FUT9: variants seen among roughly 807,000 people sequenced by gnomAD.
The protein encoded by FUT9 is 4-galactosyl-N-acetylglucosaminide 3-alpha-L-fucosyltransferase 9.
FUT9 carries 15 observed loss-of-function variants against 29.7 expected under a neutral mutation model. The ratio of observed to expected loss-of-function variants is 0.51; its 90% confidence interval spans 0.34 to 0.78. The LOEUF is 0.78. FUT9 is among the 30% of genes least tolerant of loss of function. FUT9 has a pLI of 0.01. For synonymous variants in FUT9, 169 were observed against 153.7 expected (o/e 1.10, Z -0.74); for missense variants, 319 against 425.4 (o/e 0.75, Z 2.20).
At chr6:96,127,775 A>G (rs1311629539) in intron 2 of FUT9, among the ~76,000 whole-genome samples, 4 of 151,956 alleles carry the variant, frequency 2.6e-5, no homozygotes, top group Non-Finnish European at 5.9e-5. Flanking sequence ...GCATTTCTCT[A>G]ATGTGATGTT....
intron 1 of FUT9, among the ~76,000 whole-genome samples, chr6:96,069,091 C>T (rs994224230): frequency 2.6e-5 from 4 of 152,050 alleles, no homozygotes; most frequent in Non-Finnish European, 4.4e-5. Flanking sequence ...CCGAGGCTGG[C>T]GGATCACGAG....
chr6:96,128,615 C>G (rs936994257), intron 2 of FUT9, among the ~76,000 whole-genome samples: 3 of 152,066 alleles, frequency 2.0e-5, no homozygotes, highest in Non-Finnish European at 4.4e-5. Flanking sequence ...CCCAGTAATT[C>G]TACCTGTGGT....
intron 2 of FUT9, among the ~76,000 whole-genome samples, chr6:96,191,588 A>G (rs1773509776): frequency 6.6e-6 from 1 of 152,172 alleles, no homozygotes; most frequent in Non-Finnish European, 1.5e-5. Context: ...GGCAATAATT[A>G]ATAGCTTACC....
At chr6:96,040,189 C>T (rs1384312246) in intron 1 of FUT9, among the ~76,000 whole-genome samples, 1 of 152,114 alleles carries the variant, frequency 6.6e-6, no homozygotes, top group East Asian at 1.9e-4. Context: ...ACTGCCTAAC[C>T]AAGTGCCAGT....
rs552512198 is a variant in FUT9 at position 96,043,534 on chromosome 6, A to C, written c.-98+27322A>C. 9.8e-5 allele frequency among the ~76,000 whole-genome samples: 15 copies of C among 152,320 alleles called. No homozygotes were observed. The South Asian group carries it at 3.1e-3, about 32-fold the overall frequency. On this transcript the variant is annotated intron_variant, in intron 1 of 2. Coordinates refer to ENST00000302103, the MANE Select transcript of FUT9 (RefSeq NM_006581.4). ...TATTTTATTTGAACATTTTCTGTCT[A>C]TAAAATCCCCAAATCTGAGAACTGT... is the stretch of plus-strand genomic sequence containing the variant.
intron 1 of FUT9, among the ~76,000 whole-genome samples, chr6:96,065,276 G>A (rs1420133072): frequency 6.6e-6 from 1 of 152,136 alleles, no homozygotes; most frequent in Non-Finnish European, 1.5e-5. Context: ...AAAATTCACT[G>A]TCTAGTTGTT....
At chr6:96,032,151 T>C (rs1012636436) in intron 1 of FUT9, among the ~76,000 whole-genome samples, 1 of 151,654 alleles carries the variant, frequency 6.6e-6, no homozygotes, top group African/African-American at 2.4e-5. Flanking sequence ...TATTACATAA[T>C]ACAGAGTCCT....
intron 1 of FUT9, among the ~76,000 whole-genome samples, chr6:96,049,637 G>A (rs1217470547): frequency 6.6e-6 from 1 of 152,178 alleles, no homozygotes; most frequent in African/African-American, 2.4e-5. Flanking sequence ...AGACTCCCAT[G>A]TTGGCCCCAA....
chr6:96,205,092 T>A lies in FUT9; in HGVS notation c.*857T>A, dbSNP rs1363817518. ...CCTATAAATATATTTATAAATGGTG[T>A]CATTTATGAACAATGTTTAATTATG... On this transcript the variant is annotated 3_prime_UTR_variant, in exon 3 of 3. Coordinates refer to ENST00000302103, the MANE Select transcript of FUT9 (RefSeq NM_006581.4). The A allele has an allele frequency of 6.0e-6, 1 of 166,910 alleles. No individual in the cohort carries two copies. Among genetic ancestry groups the A allele is most frequent in the Non-Finnish European group, 1.5e-5 (1 of 68,064 alleles). 10.3% of individuals were successfully genotyped at this position (166,910 alleles called of 1,614,324 possible). A position where few individuals can be genotyped will look rare whatever the true frequency, so the allele number is the denominator to read the frequency against.
At chr6:96,082,580 C>G (rs190098568) in intron 1 of FUT9, among the ~76,000 whole-genome samples, 1 of 152,010 alleles carries the variant, frequency 6.6e-6, no homozygotes, top group East Asian at 1.9e-4. Context: ...ATTTCTTCAT[C>G]TGATACTTGA....
rs548283455 is a variant in FUT9, at chr6:96,187,164, T to A, written c.-8-15984T>A. On this transcript the variant is annotated intron_variant, in intron 2 of 2. Coordinates refer to ENST00000302103, the MANE Select transcript of FUT9 (RefSeq NM_006581.4). Reference sequence around the variant, plus strand: ...AAAGCAGTTGGTTTCCCATGGATTCTCTATCCTGCCCTGTAAACTGGACTA... The same window carrying A: ...AAAGCAGTTGGTTTCCCATGGATTCACTATCCTGCCCTGTAAACTGGACTA... Among the ~76,000 whole-genome samples, 6 of 152,222 alleles carry A rather than the reference T, an allele frequency of 3.9e-5. No individual in the cohort carries two copies. In the South Asian group the frequency reaches 1.2e-3, roughly 32 times the overall value.
chr6:96,158,230 A>T (rs916129632), intron 2 of FUT9, among the ~76,000 whole-genome samples: 3 of 152,080 alleles, frequency 2.0e-5, no homozygotes, highest in African/African-American at 7.2e-5. Context: ...TATATTTTTA[A>T]AACAAGGTGA....
At chr6:96,195,263 T>C (rs929813262) in intron 2 of FUT9, among the ~76,000 whole-genome samples, 1 of 152,112 alleles carries the variant, frequency 6.6e-6, no homozygotes, top group East Asian at 1.9e-4. Flanking sequence ...GAATCAGGGA[T>C]TTATTATTAC....
chr6:96,204,047 C>T lies in FUT9; in HGVS notation c.892C>T (p.Leu298=). 6.3e-7 allele frequency: 1 copy of T among 1,579,854 alleles called. No individual in the cohort carries two copies. The highest frequency in any genetic ancestry group is 8.6e-7 in the Non-Finnish European group (1 of 1,163,728). The change falls in exon 3 of 3, where the codon CTA becomes TTA. Residue 298 remains leucine, a synonymous_variant. Coordinates refer to ENST00000302103, the MANE Select transcript of FUT9 (RefSeq NM_006581.4). ...GGAAGATTATAACTCTCCCAGTGAG[C>T]TAGCAAAGTATCTGAAGGAAGTCGA... ...HVEDYNSPSE[L]AKYLKEVDKN... is the part of the protein sequence containing the mutation.
intron 1 of FUT9, among the ~76,000 whole-genome samples, chr6:96,110,079 C>T (rs571269803): frequency 1.5e-3 from 223 of 152,258 alleles, no homozygotes; most frequent in Admixed American, 3.0e-3. Flanking sequence ...TCATACATGA[C>T]CTCCTTCATG....
chr6:96,143,317 G>A (rs1772500495), intron 2 of FUT9, among the ~76,000 whole-genome samples: 1 of 152,152 alleles, frequency 6.6e-6, no homozygotes, highest in South Asian at 2.1e-4. Flanking sequence ...CCAAAATAAT[G>A]AGACATAAAT....
At position 96,208,773 on chromosome 6, in the gene FUT9, G is replaced by C. The variant is rs9373720; in HGVS notation, c.*4538G>C. ...CTGTTTCTAAAAGGAAAGAAAATTA[G>C]TATTTAAGGAGAGTATAAAGTGCGA... On this transcript the variant is annotated 3_prime_UTR_variant, in exon 3 of 3. Transcript: ENST00000302103. 9.0e-5 allele frequency: 15 copies of C among 166,578 alleles called. No homozygotes were observed. Among genetic ancestry groups the C allele is most frequent in the African/African-American group, 3.4e-4 (14 of 41,390 alleles). 10.3% of individuals were successfully genotyped at this position (166,578 alleles called of 1,614,324 possible). A position where few individuals can be genotyped will look rare whatever the true frequency, so the allele number is the denominator to read the frequency against.
At chr6:96,153,913 G>A in intron 2 of FUT9, among the ~76,000 whole-genome samples, 1 of 152,172 alleles carries the variant, frequency 6.6e-6, no homozygotes, top group Admixed American at 6.5e-5. Flanking sequence ...AATCTGGAGA[G>A]GAAATGATTA....
chr6:96,166,708 G>A (rs1229606454), intron 2 of FUT9, among the ~76,000 whole-genome samples: 1 of 152,080 alleles, frequency 6.6e-6, no homozygotes, highest in Admixed American at 6.5e-5. Context: ...ATCCCTTGGG[G>A]CTTGGTTTAA....
Sources: allele counts gnomAD v4.1 joint callset (sites outside exome capture counted in the v4.1 genomes callset), GRCh38; gene constraint gnomAD v4.1.1; transcripts MANE v1.5; gene names NCBI Gene and HGNC (gene_info 2026-07-23, HGNC 2026-07-21).